IMMP2L: variants seen among roughly 807,000 people sequenced by gnomAD.
IMMP2L encodes mitochondrial inner membrane protease subunit 2.
In IMMP2L, 18 loss-of-function variants were observed where a neutral mutation model predicts 19.3. The ratio of observed to expected loss-of-function variants is 0.93; its 90% CI spans 0.64 to 1.38. The LOEUF is 1.38. IMMP2L is among the 40% of genes most tolerant of loss of function. IMMP2L has a pLI of 0.00. For synonymous variants in IMMP2L, 76 were observed against 73.0 expected (o/e 1.04, Z -0.21); for missense variants, 233 against 218.2 (o/e 1.07, Z -0.43).
At chr7:110,754,171 T>C (rs1041440908) in intron 5 of IMMP2L, among the ~76,000 whole-genome samples, 1 of 152,044 alleles carries the variant, frequency 6.6e-6, no homozygotes, top group Non-Finnish European at 1.5e-5. Context: ...ATAATCAACA[T>C]TCAAGTCATA....
In IMMP2L at chr7:111,224,476, A is replaced by G. The variant is rs538846073; in HGVS notation, c.240-260911T>C. On this transcript the variant is annotated intron_variant, in intron 3 of 5. Transcript: ENST00000405709. ...AGAAGTATCTAAGGAAGTTGAAGAA[A>G]GGTGTTTTAAATACCATCTTCCAAA... 1.5e-4 allele frequency among the ~76,000 whole-genome samples: 23 copies of G among 152,238 alleles called. 1 individual carries two copies. In the South Asian group the frequency reaches 4.8e-3, roughly 32 times the overall value.
At chr7:111,008,761 T>C (rs1410501511) in intron 3 of IMMP2L, among the ~76,000 whole-genome samples, 1 of 152,018 alleles carries the variant, frequency 6.6e-6, no homozygotes, top group African/African-American at 2.4e-5. Context: ...TCAAAACTAT[T>C]TGTTGTATGA....
At chr7:110,689,489 A>G (rs1793348925) in intron 5 of IMMP2L, among the ~76,000 whole-genome samples, 1 of 152,088 alleles carries the variant, frequency 6.6e-6, no homozygotes. Context: ...TAAACTGTCC[A>G]TTGAGTTTTA....
chr7:110,955,909 C>T (rs1043827287), intron 4 of IMMP2L, among the ~76,000 whole-genome samples: 1 of 151,750 alleles, frequency 6.6e-6, no homozygotes, highest in Non-Finnish European at 1.5e-5. Flanking sequence ...TTCTATTATT[C>T]AGAGCTACTG....
At chr7:111,290,857 CAT>C (rs1287671379) in intron 3 of IMMP2L, among the ~76,000 whole-genome samples, 1,817 of 148,654 alleles carry the variant, frequency 0.012, 18 homozygotes, top group Middle Eastern at 0.028. Context: ...CACACACACA[CAT>C]ATATATATAT....
intron 3 of IMMP2L, among the ~76,000 whole-genome samples, chr7:111,412,764 T>G (rs1267719168): frequency 2.6e-5 from 4 of 151,770 alleles, no homozygotes; most frequent in African/African-American, 9.7e-5. Context: ...ATTATTAATT[T>G]TTAAGGATTC....
At position 111,146,120 on chromosome 7, in the gene IMMP2L, A is replaced by G. The variant is rs151208411; in HGVS notation, c.240-182555T>C. Among the ~76,000 whole-genome samples the G allele has an allele frequency of 1.2e-3, 177 of 152,194 alleles. 7 individuals carry two copies. In the East Asian group the frequency reaches 0.031, roughly 26 times the overall value. ...TAATATACCCACAAATGAGTGCAAT[A>G]GCTAAAATATCTTTCAGGGAACTAC... On this transcript the variant is annotated intron_variant, in intron 3 of 5. Coordinates refer to ENST00000405709, the MANE Select transcript of IMMP2L (RefSeq NM_032549.4).
At chr7:110,702,095 AT>A (rs575048817) in intron 5 of IMMP2L, among the ~76,000 whole-genome samples, 480 of 146,480 alleles carry the variant, frequency 3.3e-3, no homozygotes, top group African/African-American at 7.0e-3. Context: ...ATCCCAGCTA[AT>A]TTTTTTTTTT....
Position 111,262,840 on chromosome 7 carries a change from AT to A in IMMP2L, c.239+224397del, listed in dbSNP as rs112186254. ...AAGGACCTTGGAAGCTGCCCTGGAT[AT>A]CCTGGACCTCTCTCTCATTTGTCTA... On this transcript the variant is annotated intron_variant, in intron 3 of 5. Coordinates refer to ENST00000405709, the MANE Select transcript of IMMP2L (RefSeq NM_032549.4). Among the ~76,000 whole-genome samples, 468 of 152,248 alleles carry A rather than the reference AT, an allele frequency of 3.1e-3. 2 individuals are homozygous for A. Among genetic ancestry groups the A allele is most frequent in the African/African-American group, 0.011 (444 of 41,552 alleles).
intron 3 of IMMP2L, among the ~76,000 whole-genome samples, chr7:111,292,781 T>C (rs1258085098): frequency 6.6e-6 from 1 of 151,998 alleles, no homozygotes; most frequent in Non-Finnish European, 1.5e-5. Flanking sequence ...AGGGTTATCA[T>C]GAAAAATGAA....
At position 111,111,949 on chromosome 7, in the gene IMMP2L, T is replaced by G. The variant is rs1257339348; in HGVS notation, c.240-148384A>C. 4.5e-5 allele frequency among the ~76,000 whole-genome samples: 6 copies of G among 132,202 alleles called. No homozygotes were observed. The South Asian group carries it at 8.1e-4, about 18-fold the overall frequency. The allele number at this position is 132,202 out of a possible 152,430, so 86.7% of individuals were successfully genotyped here. On this transcript the variant is annotated intron_variant, in intron 3 of 5. Coordinates refer to ENST00000405709, the MANE Select transcript of IMMP2L (RefSeq NM_032549.4). Reference sequence around the variant, plus strand: ...TATATATATATATAGTTTGTTTTTTTTTTTTTTTTTTTTTTTGAGATGGAG... The same window carrying G: ...TATATATATATATAGTTTGTTTTTTGTTTTTTTTTTTTTTTTGAGATGGAG...
chr7:110,932,392 C>T (rs542791680), intron 4 of IMMP2L, among the ~76,000 whole-genome samples: 232 of 151,950 alleles, frequency 1.5e-3, no homozygotes, highest in Non-Finnish European at 2.7e-3. Flanking sequence ...CTCACTCTGT[C>T]GCCCAGGCTG....
At chr7:111,034,601 T>C (rs532055104) in intron 3 of IMMP2L, among the ~76,000 whole-genome samples, 1 of 152,256 alleles carries the variant, frequency 6.6e-6, no homozygotes, top group South Asian at 2.1e-4. Context: ...GGAAGGGCTG[T>C]AGAGAAAATT....
chr7:110,747,618 C>A (rs912911333), intron 5 of IMMP2L, among the ~76,000 whole-genome samples: 1 of 152,158 alleles, frequency 6.6e-6, no homozygotes, highest in Non-Finnish European at 1.5e-5. Context: ...AAACGTAATC[C>A]ATGACATAAA....
At chr7:110,879,215 ACCCTGTCT>A (rs1342361647) in intron 5 of IMMP2L, among the ~76,000 whole-genome samples, 1 of 151,970 alleles carries the variant, frequency 6.6e-6, no homozygotes, top group South Asian at 2.1e-4. Flanking sequence ...ACATGGTGAA[ACCCTGTCT>A]CTACTAAAAA....
chr7:111,010,069 T>C (rs1051071127), intron 3 of IMMP2L, among the ~76,000 whole-genome samples: 1 of 152,150 alleles, frequency 6.6e-6, no homozygotes, highest in Non-Finnish European at 1.5e-5. Flanking sequence ...TATCAGCATA[T>C]CTGCAAGTTC....
At position 110,898,173 on chromosome 7, in the gene IMMP2L, T is replaced by C. The variant is rs561399477; in HGVS notation, c.306-11478A>G. 2.8e-4 allele frequency among the ~76,000 whole-genome samples: 43 copies of C among 151,498 alleles called. No individual in the cohort carries two copies. The South Asian group carries it at 5.2e-3, about 18-fold the overall frequency. On this transcript the variant is annotated intron_variant, in intron 4 of 5. Coordinates refer to ENST00000405709, the MANE Select transcript of IMMP2L (RefSeq NM_032549.4). ...TTTATATATACATATATAAATACAA[T>C]ATATAAAGATTTAAAGACCAATAAT...
At chr7:110,730,692 T>A (rs1166331342) in intron 5 of IMMP2L, among the ~76,000 whole-genome samples, 2 of 151,994 alleles carry the variant, frequency 1.3e-5, no homozygotes, top group Admixed American at 1.3e-4. Flanking sequence ...GCCCAGCTAA[T>A]TTTTTTGTAT....
chr7:111,292,982 G>A (rs1821267143), intron 3 of IMMP2L, among the ~76,000 whole-genome samples: 1 of 151,944 alleles, frequency 6.6e-6, no homozygotes, highest in South Asian at 2.1e-4. Flanking sequence ...TGAAAGGCTG[G>A]TCAAAATAAT....
Sources: allele counts gnomAD v4.1 joint callset (sites outside exome capture counted in the v4.1 genomes callset), GRCh38; gene constraint gnomAD v4.1.1; transcripts MANE v1.5; gene names NCBI Gene and HGNC (gene_info 2026-07-23, HGNC 2026-07-21).